The following TRIM2 variants were observed in gnomAD, a reference collection of about 807,000 sequenced individuals.
The protein encoded by TRIM2 is tripartite motif containing 2, also known as tripartite motif-containing protein 2.
Under a neutral mutation model 75.2 loss-of-function variants are expected in TRIM2, and 20 were observed. That is an observed-to-expected ratio of 0.27 (90% CI 0.19 to 0.39). The LOEUF (loss-of-function observed/expected upper bound fraction) is 0.39. Ranked by LOEUF, TRIM2 falls within the 10% of genes least tolerant of loss-of-function variation. The pLI is 1.00. For synonymous variants in TRIM2, 373 were observed against 388.3 expected (o/e 0.96, Z 0.46); for missense variants, 660 against 990.8 (o/e 0.67, Z 4.48).
At chr4:153,228,933 G>A (rs1361940187) in intron 1 of TRIM2, among the ~76,000 whole-genome samples, 1 of 152,000 alleles carries the variant, frequency 6.6e-6, no homozygotes, top group African/African-American at 2.4e-5. Flanking sequence ...TAAAGCAACC[G>A]ATGACTGAAG....
intron 1 of TRIM2, among the ~76,000 whole-genome samples, chr4:153,206,789 C>G (rs531300640): frequency 6.6e-6 from 1 of 152,288 alleles, no homozygotes; most frequent in East Asian, 1.9e-4. Context: ...CCAGCCCCCT[C>G]CAGAGGCAAT....
intron 3 of TRIM2, among the ~76,000 whole-genome samples, chr4:153,281,881 C>T (rs1482608207): frequency 1.3e-5 from 2 of 152,224 alleles, no homozygotes; most frequent in Non-Finnish European, 2.9e-5. Context: ...TTATTGGTTG[C>T]TTAGGCACCT....
At chr4:153,301,947 T>C (rs1050716742) in intron 6 of TRIM2, among the ~76,000 whole-genome samples, 1 of 152,240 alleles carries the variant, frequency 6.6e-6, no homozygotes, top group Admixed American at 6.5e-5. Context: ...GGCTTAACAT[T>C]GCTTTGGCTA....
At chr4:153,224,549 C>T (rs2149777525) in intron 1 of TRIM2, among the ~76,000 whole-genome samples, 1 of 152,294 alleles carries the variant, frequency 6.6e-6, no homozygotes, top group Non-Finnish European at 1.5e-5. Flanking sequence ...CACCATAACT[C>T]TACTTTGGAT....
chr4:153,270,484 C>A lies in TRIM2; in HGVS notation c.180C>A (p.Pro60=). 6.2e-7 allele frequency: 1 copy of A among 1,612,966 alleles called. No individual in the cohort carries two copies. Among genetic ancestry groups the A allele is most frequent in the South Asian group, 1.1e-5 (1 of 90,720 alleles). ...TATGCCTGGAACGGTACAAGAATCCCAAGGTTCTCCCCTGTCTGCACACTT... is the reference window on the plus strand; with the variant it reads ...TATGCCTGGAACGGTACAAGAATCCAAAGGTTCTCCCCTGTCTGCACACTT... The part of the protein sequence containing the change: ...CSICLERYKN[P]KVLPCLHTFC... Residue 60 remains proline (P), a synonymous_variant, in exon 2 of 12, where the codon CCC becomes CCA. Transcript: ENST00000338700.
intron 3 of TRIM2, among the ~76,000 whole-genome samples, chr4:153,288,172 C>A (rs1187580350): frequency 6.6e-6 from 1 of 152,056 alleles, no homozygotes; most frequent in African/African-American, 2.4e-5. Context: ...CATGGTGGCT[C>A]GCACCTGTAA....
At chr4:153,273,154 G>T (rs1343421356) in intron 2 of TRIM2, among the ~76,000 whole-genome samples, 2 of 151,872 alleles carry the variant, frequency 1.3e-5, no homozygotes, top group South Asian at 4.2e-4. Context: ...TTTTGTTTAT[G>T]CAGAGACAAA....
intron 11 of TRIM2, among the ~76,000 whole-genome samples, chr4:153,330,728 C>T (rs1169057234): frequency 2.0e-5 from 3 of 152,178 alleles, no homozygotes. Flanking sequence ...TGATAAACAA[C>T]ATCTATGAAA....
intron 6 of TRIM2, chr4:153,307,982 C>G (rs751190817): frequency 1.3e-6 from 1 of 758,988 alleles, no homozygotes; most frequent in Non-Finnish European, 2.5e-6. Flanking sequence ...TCTGAATACA[C>G]TGGACCAGGT....
chr4:153,217,707 A>T (rs1277711796), intron 1 of TRIM2, among the ~76,000 whole-genome samples: 2 of 148,180 alleles, frequency 1.3e-5, no homozygotes, highest in African/African-American at 5.0e-5. Context: ...TTTAGAGGCT[A>T]TGTTGGAGAG....
At chr4:153,276,402 A>G (rs563289804) in intron 3 of TRIM2, 3 of 522,688 alleles carry the variant, frequency 5.7e-6, no homozygotes, top group Non-Finnish European at 1.0e-5. Flanking sequence ...GCTGACCTAC[A>G]TAAACATCTG....
chr4:153,269,222 T>C (rs749626784), intron 1 of TRIM2, among the ~76,000 whole-genome samples: 34 of 152,236 alleles, frequency 2.2e-4, no homozygotes, highest in Non-Finnish European at 3.7e-4. Context: ...TTGGGTTTTA[T>C]ATACCATTTT....
intron 1 of TRIM2, among the ~76,000 whole-genome samples, chr4:153,154,816 A>G (rs1052699787): frequency 6.6e-6 from 1 of 152,192 alleles, no homozygotes; most frequent in Non-Finnish European, 1.5e-5. Context: ...GTCTGCCTCA[A>G]AAATAATGCT....
At chr4:153,287,247 T>G (rs1760851718) in intron 3 of TRIM2, among the ~76,000 whole-genome samples, 3 of 152,226 alleles carry the variant, frequency 2.0e-5, no homozygotes, top group Admixed American at 6.5e-5. Flanking sequence ...CCCAAAGTAC[T>G]GGGATTACAG....
chr4:153,248,343 A>G lies in TRIM2; in HGVS notation c.31-21992A>G, dbSNP rs1388357064. Reference sequence around the variant, plus strand: ...CTAAACAAACCATTTCCTTCTCCTAACAACGCTATGTAGTCAGTACCCTTG... The same window carrying G: ...CTAAACAAACCATTTCCTTCTCCTAGCAACGCTATGTAGTCAGTACCCTTG... On this transcript the variant is annotated intron_variant, in intron 1 of 11. Transcript: ENST00000338700. The surrounding 1 kb of genome is among the most constrained non-coding windows in gnomAD (Gnocchi z 4.0). 6.6e-6 allele frequency among the ~76,000 whole-genome samples: 1 copy of G among 152,150 alleles called. No individual in the cohort carries two copies. Among genetic ancestry groups the G allele is most frequent in the Non-Finnish European group, 1.5e-5 (1 of 68,024 alleles).
chr4:153,272,736 G>C (rs913879100), intron 2 of TRIM2, among the ~76,000 whole-genome samples: 1 of 152,160 alleles, frequency 6.6e-6, no homozygotes, highest in Non-Finnish European at 1.5e-5. Context: ...CTCCCAAAGT[G>C]TTGGGCTTAC....
rs1034897567 is a variant in TRIM2, at chr4:153,255,317, C to T, written c.31-15018C>T. Among the ~76,000 whole-genome samples, 20 of 152,334 alleles carry T rather than the reference C, an allele frequency of 1.3e-4. 3 individuals carry two copies. Among genetic ancestry groups the T allele is most frequent in the Admixed American group, 8.5e-4 (13 of 15,306 alleles). Reference sequence around the variant, plus strand: ...AGCCCAGCAACAAGACCAAAGATCTCTCCCACTTCTCCACCTTCAGAAAAC... The same window carrying T: ...AGCCCAGCAACAAGACCAAAGATCTTTCCCACTTCTCCACCTTCAGAAAAC... On this transcript the variant is annotated intron_variant, in intron 1 of 11. Transcript: ENST00000338700.
intron 1 of TRIM2, among the ~76,000 whole-genome samples, chr4:153,260,686 A>ACCCCCCCCCCCCCCCCCC (rs1560902694): frequency 5.7e-5 from 1 of 17,428 alleles, no homozygotes; most frequent in Non-Finnish European, 1.3e-4. Context: ...CCACCCACAC[A>ACCCCCCCCCCCCCCCCCC]CCCACCCCCC....
chr4:153,172,333 G>T (rs1031880106), intron 1 of TRIM2, among the ~76,000 whole-genome samples: 8 of 151,958 alleles, frequency 5.3e-5, no homozygotes, highest in Admixed American at 1.3e-4. Flanking sequence ...GACTACAGGC[G>T]CCCGCCACCG....
Sources: gnomAD v4.1 joint callset for allele counts (sites outside exome capture counted in the v4.1 genomes callset) on GRCh38, gnomAD v4.1.1 for gene constraint, Gnocchi (gnomAD v3.1) non-coding constraint, MANE v1.5 for transcripts, NCBI Gene and HGNC (gene_info 2026-07-23, HGNC 2026-07-21) for gene names.